Variants in XRCC1 observed in about 807,000 individuals in gnomAD.
The protein encoded by XRCC1 is DNA repair protein XRCC1.
Under a neutral mutation model 83.3 loss-of-function variants are expected in XRCC1, and 52 were observed. That is an observed-to-expected ratio of 0.62 (90% CI 0.50 to 0.79). The LOEUF (loss-of-function observed/expected upper bound fraction) is 0.79, where lower values mean the gene tolerates loss of function less well. Among genes scored for constraint, XRCC1 ranks in the 30% least tolerant of loss-of-function variants. The pLI, the probability that XRCC1 is intolerant of heterozygous loss-of-function variation, is 0.00. For missense variants in XRCC1, 793 were observed against 823.5 expected, an observed-to-expected ratio of 0.96 and a Z score of 0.45; for synonymous variants, 281 against 312.6, an observed-to-expected ratio of 0.90 and a Z score of 1.07.
In XRCC1 at chr19:43,554,637, C is replaced by A; in HGVS notation, c.414+9G>T. 1.2e-6 allele frequency: 2 copies of A among 1,608,044 alleles called. No homozygotes were observed. Among genetic ancestry groups the A allele is most frequent in the Admixed American group, 1.7e-5 (1 of 59,274 alleles). ...AAGGACTCTGCACCCTGGCTCCCAC[C>A]CTAGGTACCTTGCTGTAGGGCTGGC... On this transcript the variant is annotated intron_variant, in intron 4 of 16. Coordinates refer to ENST00000262887, the MANE Select transcript of XRCC1 (RefSeq NM_006297.3).
Position 43,552,720 on chromosome 19 carries a change from C to G in XRCC1, c.823+77G>C, listed in dbSNP as rs945602394. ...AGCCCTTCCTCCCTCAGATTCAGGA[C>G]AGCAGGCTCCAGCCCCGCTTCCCCT... On this transcript the variant is annotated intron_variant, in intron 8 of 16. Transcript: ENST00000262887. The G allele has an allele frequency of 2.9e-6, 4 of 1,363,704 alleles. No homozygotes were observed. In the African/African-American group the frequency reaches 4.4e-5, roughly 15 times the overall value. 84.5% of individuals were successfully genotyped at this position (1,363,704 alleles called of 1,614,324 possible).
intron 10 of XRCC1, among the ~76,000 whole-genome samples, chr19:43,547,406 G>A (rs8101200): frequency 0.13 from 19,349 of 151,130 alleles, 1,563 homozygotes; most frequent in East Asian, 0.4. Context: ...GGATGGTCTC[G>A]ATCTCCTGAC....
At position 43,546,875 on chromosome 19, in the gene XRCC1, G is replaced by A. The variant is rs1233848552; in HGVS notation, c.1293+9C>T. On this transcript the variant is annotated intron_variant, in intron 11 of 16. Coordinates refer to ENST00000262887, the MANE Select transcript of XRCC1 (RefSeq NM_006297.3). ...TACACCCTCCCCCACTGGACAGGGG[G>A]CATCAGACCTTCTGAGGAAGCTTGG... 2 of 1,613,646 alleles carry A rather than the reference G, an allele frequency of 1.2e-6. No homozygotes were observed. Among genetic ancestry groups the A allele is most frequent in the Non-Finnish European group, 1.7e-6 (2 of 1,179,952 alleles).
At chr19:43,563,190 A>G (rs1370601378) in intron 2 of XRCC1, among the ~76,000 whole-genome samples, 1 of 152,152 alleles carries the variant, frequency 6.6e-6, no homozygotes, top group Non-Finnish European at 1.5e-5. Context: ...TGGGCTCATG[A>G]GATGTCCCAG....
At chr19:43,563,487 T>C (rs1312210735) in intron 2 of XRCC1, among the ~76,000 whole-genome samples, 1 of 152,134 alleles carries the variant, frequency 6.6e-6, no homozygotes, top group East Asian at 1.9e-4. Flanking sequence ...AGTGAGACTC[T>C]GTCTCAAAAA....
At chr19:43,551,804 T>C (rs937929091) in intron 9 of XRCC1, 117 bp from the exon 10 acceptor site, 5 of 1,019,412 alleles carry the variant, frequency 4.9e-6, no homozygotes, top group Non-Finnish European at 7.5e-6. Context: ...GATCATGAGA[T>C]TGAGGTGGGA....
chr19:43,574,858 G>T, intron 2 of XRCC1, 52 bp downstream of exon 2: 1 of 1,496,728 alleles, frequency 6.7e-7, no homozygotes, highest in African/African-American at 1.4e-5. Flanking sequence ...GCAGAATCTG[G>T]AACCCCGGAC....
intron 2 of XRCC1, among the ~76,000 whole-genome samples, chr19:43,568,434 T>C (rs1272560149): frequency 3.3e-5 from 5 of 149,482 alleles, no homozygotes; most frequent in African/African-American, 1.2e-4. Context: ...GAGGGGGAGG[T>C]TGCAGTGAGC....
intron 2 of XRCC1, among the ~76,000 whole-genome samples, chr19:43,569,819 C>T (rs1194986334): frequency 6.6e-6 from 1 of 152,088 alleles, no homozygotes; most frequent in South Asian, 2.1e-4. Flanking sequence ...TCTACAGCTA[C>T]ACTGAACGAC....
rs778792897 is a variant in XRCC1, at chr19:43,575,514, G to T, written c.-56C>A. On this transcript the variant is annotated 5_prime_UTR_variant, in exon 1 of 17. Coordinates refer to ENST00000262887, the MANE Select transcript of XRCC1 (RefSeq NM_006297.3). ...GGATGAGGTAGAGTATGGGGTCCGA[G>T]GGGCAGGGAGAGTGGGAGGGGGCGG... is the stretch of plus-strand genomic sequence containing the variant. 16 of 1,577,048 alleles carry T rather than the reference G, an allele frequency of 1.0e-5. No homozygotes were observed. The African/African-American group carries it at 2.0e-4, about 20-fold the overall frequency.
intron 2 of XRCC1, among the ~76,000 whole-genome samples, chr19:43,566,729 A>G (rs1443524859): frequency 6.6e-6 from 1 of 151,386 alleles, no homozygotes; most frequent in East Asian, 1.9e-4. Flanking sequence ...AAACAGAAAA[A>G]TTAGTTGGGC....
At chr19:43,562,537 A>G (rs1165706440) in intron 2 of XRCC1, among the ~76,000 whole-genome samples, 1 of 152,066 alleles carries the variant, frequency 6.6e-6, no homozygotes, top group East Asian at 1.9e-4. Flanking sequence ...TGAGGCTGGG[A>G]GTTCAAGACC....
intron 1 of XRCC1, among the ~76,000 whole-genome samples, 180 bp downstream of exon 1, chr19:43,575,227 CG>C (rs1972844775): frequency 6.6e-6 from 1 of 152,196 alleles, no homozygotes; most frequent in Non-Finnish European, 1.5e-5. Context: ...CTTTTCTCTC[CG>C]GAAGTTCCCT....
chr19:43,558,091 G>C (rs576202498), intron 3 of XRCC1, among the ~76,000 whole-genome samples: 4 of 152,140 alleles, frequency 2.6e-5, no homozygotes, highest in Non-Finnish European at 5.9e-5. Context: ...AGTTTGTCTA[G>C]ATCTCTTGGG....
chr19:43,544,764 C>T (rs1972491583), intron 14 of XRCC1, among the ~76,000 whole-genome samples: 1 of 152,126 alleles, frequency 6.6e-6, no homozygotes, highest in African/African-American at 2.4e-5. Flanking sequence ...CCACCTCAGC[C>T]TCCTGAGTAG....
intron 3 of XRCC1, among the ~76,000 whole-genome samples, chr19:43,560,414 A>G (rs1658746098): frequency 1.3e-5 from 2 of 151,996 alleles, no homozygotes; most frequent in South Asian, 4.1e-4. Flanking sequence ...AAAAAAAAAG[A>G]AAAAGAAAAA....
chr19:43,545,356 T>C lies in XRCC1; in HGVS notation c.1621+462A>G, dbSNP rs1445221876. On this transcript the variant is annotated intron_variant, in intron 14 of 16. Transcript: ENST00000262887. ...ACACTGGAAATGCAAACACACAATG[T>C]GTGCAGACAGCATCCACGTCCAGAG... 3.9e-5 allele frequency among the ~76,000 whole-genome samples: 6 copies of C among 152,340 alleles called. No individual in the cohort carries two copies. In the East Asian group the frequency reaches 7.7e-4, roughly 20 times the overall value.
At chr19:43,564,723 G>A (rs1972734984) in intron 2 of XRCC1, among the ~76,000 whole-genome samples, 1 of 151,318 alleles carries the variant, frequency 6.6e-6, no homozygotes, top group African/African-American at 2.4e-5. Flanking sequence ...GGGGGGCGGA[G>A]GTTGCAGTGA....
intron 3 of XRCC1, among the ~76,000 whole-genome samples, chr19:43,557,307 C>CA (rs33984597): frequency 0.029 from 2,259 of 77,496 alleles, 70 homozygotes; most frequent in Non-Finnish European, 0.04. Flanking sequence ...GACTCCGTCT[C>CA]AAAAAAAAAA....
Sources: gnomAD v4.1 joint callset for allele counts (sites outside exome capture counted in the v4.1 genomes callset) on GRCh38, gnomAD v4.1.1 for gene constraint, MANE v1.5 for transcripts, NCBI Gene and HGNC (gene_info 2026-07-23, HGNC 2026-07-21) for gene names.